The following NR5A1 variants were observed in gnomAD, a reference collection of about 807,000 sequenced individuals.
NR5A1 encodes the protein nuclear receptor subfamily 5 group A member 1.
In NR5A1, 6 loss-of-function variants were observed where a neutral mutation model predicts 42.7. The observed-to-expected ratio is 0.14, with a 90% confidence interval of 0.08 to 0.28. The LOEUF (loss-of-function observed/expected upper bound fraction) is 0.28. Among genes scored for constraint, NR5A1 ranks in the 10% least tolerant of loss-of-function variants. The pLI is 1.00. For synonymous variants in NR5A1, 274 were observed against 277.5 expected, an observed-to-expected ratio of 0.99 and a Z score of 0.12; for missense variants, 442 against 626.4, an observed-to-expected ratio of 0.71 and a Z score of 3.14.
intron 6 of NR5A1, among the ~76,000 whole-genome samples, chr9:124,484,819 CAG>C (rs1320324704): frequency 2.0e-5 from 3 of 151,964 alleles, no homozygotes; most frequent in African/African-American, 7.3e-5. Flanking sequence ...CATGGGAAGA[CAG>C]GGGCAAACAG....
chr9:124,491,456 C>T (rs1450283107), intron 5 of NR5A1, among the ~76,000 whole-genome samples: 1 of 152,180 alleles, frequency 6.6e-6, no homozygotes, highest in Non-Finnish European at 1.5e-5. Context: ...CCGCCAAGCC[C>T]GGAGCTGAGG....
intron 1 of NR5A1, among the ~76,000 whole-genome samples, chr9:124,505,174 C>T (rs1274261987): frequency 6.6e-6 from 1 of 152,298 alleles, no homozygotes; most frequent in African/African-American, 2.4e-5. Context: ...CCGAGCGCGG[C>T]CAGAGAGCTG....
intron 4 of NR5A1, among the ~76,000 whole-genome samples, chr9:124,495,910 G>C (rs866692465): frequency 6.6e-6 from 1 of 152,278 alleles, no homozygotes; most frequent in Non-Finnish European, 1.5e-5. Flanking sequence ...CCCTGCATTC[G>C]AGCCCCCATC....
chr9:124,496,184 G>T lies in NR5A1; in HGVS notation c.871-3035C>A, dbSNP rs992262185. On this transcript the variant is annotated intron_variant, in intron 4 of 6. Coordinates refer to ENST00000373588, the MANE Select transcript of NR5A1 (RefSeq NM_004959.5). This position sits in a 1 kb window ranked among gnomAD's most constrained non-coding sequence, Gnocchi z 5.0. ...ACACTCCCCACACAGATGAGAATGC[G>T]CACACACACACACACACACACACAA... 6.8e-6 allele frequency among the ~76,000 whole-genome samples: 1 copy of T among 148,044 alleles called. No homozygotes were observed. Among genetic ancestry groups the T allele is most frequent in the Non-Finnish European group, 1.5e-5 (1 of 66,670 alleles).
At chr9:124,495,185 C>T (rs544524619) in intron 4 of NR5A1, among the ~76,000 whole-genome samples, 87 of 152,362 alleles carry the variant, frequency 5.7e-4, no homozygotes, top group African/African-American at 2.0e-3. Context: ...TACCATCAGC[C>T]GTGTGCCCCC....
rs2131282887 is a variant in NR5A1, at chr9:124,496,050, C to T, written c.871-2901G>A. Among the ~76,000 whole-genome samples, 1 of 152,280 alleles carries T rather than the reference C, an allele frequency of 6.6e-6. No individual in the cohort carries two copies. On this transcript the variant is annotated intron_variant, in intron 4 of 6. Transcript: ENST00000373588. The surrounding 1 kb of genome is among the most constrained non-coding windows in gnomAD (Gnocchi z 5.0). ...TCGGTGGACCTGCTGTTGGTTCTTA[C>T]GTGGATGCTGCCCGGCCGGGATCCC... is the stretch of plus-strand genomic sequence containing the variant.
rs1477157134 is a variant in NR5A1, at chr9:124,498,279, C to T, written c.870+1811G>A. Among the ~76,000 whole-genome samples the T allele has an allele frequency of 6.6e-6, 1 of 152,222 alleles. No homozygotes were observed. Among genetic ancestry groups the T allele is most frequent in the Admixed American group, 6.5e-5 (1 of 15,278 alleles). ...GAACTTCCACATGGCTTACGAGAGG[C>T]GCTCTAAGGGCTGGGCTGGTACTTA... On this transcript the variant is annotated intron_variant, in intron 4 of 6. Transcript: ENST00000373588. This position sits in a 1 kb window ranked among gnomAD's most constrained non-coding sequence, Gnocchi z 4.6.
rs796806023 is a variant in NR5A1, at chr9:124,504,028, G to C, written c.-15-618C>G. 2.8e-3 allele frequency among the ~76,000 whole-genome samples: 364 copies of C among 129,432 alleles called. 1 individual carries two copies. The highest frequency in any genetic ancestry group is 0.012 in the African/African-American group (281 of 23,392). 84.9% of individuals were successfully genotyped at this position (129,432 alleles called of 152,430 possible). Reference sequence around the variant, plus strand: ...GGATGGAGAGAGACAGGGAGACAGAGAGAGAGAGAGAGAGAGAGAGAGACG... The same window carrying C: ...GGATGGAGAGAGACAGGGAGACAGACAGAGAGAGAGAGAGAGAGAGAGACG... On this transcript the variant is annotated intron_variant, in intron 1 of 6. Transcript: ENST00000373588.
intron 1 of NR5A1, among the ~76,000 whole-genome samples, chr9:124,505,993 C>G (rs1470977271): frequency 6.6e-6 from 1 of 152,174 alleles, no homozygotes; most frequent in African/African-American, 2.4e-5. Flanking sequence ...GGCCAAAAAG[C>G]TGCGATCTTC....
Position 124,482,720 on chromosome 9 carries a change from G to T in NR5A1, c.*38C>A, listed in dbSNP as rs1289926592. On this transcript the variant is annotated 3_prime_UTR_variant, in exon 7 of 7. Coordinates refer to ENST00000373588, the MANE Select transcript of NR5A1 (RefSeq NM_004959.5). ...CGGCCCCGCCCAGGCCCCGCCCCCAGTCCCGCCCCCAGTCCCGGCCCCGCC... is the reference window on the plus strand; with the variant it reads ...CGGCCCCGCCCAGGCCCCGCCCCCATTCCCGCCCCCAGTCCCGGCCCCGCC... 2.5e-4 allele frequency: 41 copies of T among 166,490 alleles called. No individual in the cohort carries two copies. Among genetic ancestry groups the T allele is most frequent in the East Asian group, 1.0e-3 (4 of 3,904 alleles). 10.3% of individuals were successfully genotyped at this position (166,490 alleles called of 1,614,324 possible). A position where few individuals can be genotyped will look rare whatever the true frequency, so the allele number is the denominator to read the frequency against.
chr9:124,506,548 G>A (rs1832563538), intron 1 of NR5A1, among the ~76,000 whole-genome samples: 1 of 152,158 alleles, frequency 6.6e-6, no homozygotes, highest in South Asian at 2.1e-4. Flanking sequence ...GAGCTCACCC[G>A]AGGTCTCCTG....
rs987083089 is a variant in NR5A1, at chr9:124,503,702, T to C, written c.-15-292A>G. 2.6e-5 allele frequency among the ~76,000 whole-genome samples: 4 copies of C among 152,060 alleles called. No homozygotes were observed. Among genetic ancestry groups the C allele is most frequent in the Admixed American group, 6.5e-5 (1 of 15,290 alleles). On this transcript the variant is annotated intron_variant, in intron 1 of 6. Transcript: ENST00000373588. The surrounding 1 kb of genome is among the most constrained non-coding windows in gnomAD (Gnocchi z 9.6). Reference sequence around the variant, plus strand: ...GGCCCTCGGGTTCGATGCGCTTCGATTGGGATTCGTTTGTCTGAGAACAAA... The same window carrying C: ...GGCCCTCGGGTTCGATGCGCTTCGACTGGGATTCGTTTGTCTGAGAACAAA...
At chr9:124,502,969 G>C (rs1294852084) in intron 3 of NR5A1, 110 bp downstream of exon 3, 2 of 1,373,402 alleles carry the variant, frequency 1.5e-6, no homozygotes, top group Non-Finnish European at 1.9e-6. Flanking sequence ...TGTCGCACGA[G>C]GGGCCTTCGC....
chr9:124,505,163 C>A (rs1051060742), intron 1 of NR5A1, among the ~76,000 whole-genome samples: 20 of 152,192 alleles, frequency 1.3e-4, no homozygotes, highest in African/African-American at 4.6e-4. Flanking sequence ...CTCCCCGGAC[C>A]CCGAGCGCGG....
intron 6 of NR5A1, among the ~76,000 whole-genome samples, chr9:124,490,804 G>A (rs375307053): frequency 3.9e-4 from 59 of 152,280 alleles, no homozygotes; most frequent in African/African-American, 1.4e-3. Context: ...TAGATCCAGG[G>A]ATTAGAGAAA....
At chr9:124,483,089 T>C (rs1832154137) in intron 6 of NR5A1, 84 bp from the exon 7 acceptor site, 1 of 1,603,542 alleles carries the variant, frequency 6.2e-7, no homozygotes, top group Admixed American at 1.7e-5. Flanking sequence ...GCATCACCAA[T>C]ACCACCTTCC....
intron 1 of NR5A1, among the ~76,000 whole-genome samples, chr9:124,504,024 CAGAGAGAGAGAG>C (rs150663190): frequency 1.9e-5 from 2 of 105,910 alleles, no homozygotes; most frequent in African/African-American, 5.9e-5. Context: ...GACAGGGAGA[CAGAGAGAGAGAG>C]AGAGAGAGAG....
chr9:124,491,025 T>G, intron 6 of NR5A1, 56 bp downstream of exon 6: 16 of 340,708 alleles, frequency 4.7e-5, no homozygotes, highest in African/African-American at 7.9e-5. Flanking sequence ...TCACCCACCC[T>G]CCCACCCACC....
chr9:124,497,432 G>A (rs757914969), intron 4 of NR5A1, among the ~76,000 whole-genome samples: 14 of 152,168 alleles, frequency 9.2e-5, no homozygotes, highest in African/African-American at 2.4e-4. Context: ...ACATGGAGAC[G>A]GAGGGACCCC....
Sources: gnomAD v4.1 joint callset for allele counts (sites outside exome capture counted in the v4.1 genomes callset) on GRCh38, gnomAD v4.1.1 for gene constraint, Gnocchi (gnomAD v3.1) non-coding constraint, MANE v1.5 for transcripts, NCBI Gene and HGNC (gene_info 2026-07-23, HGNC 2026-07-21) for gene names.